The following COQ5 variants were observed in gnomAD, a reference collection of about 807,000 sequenced individuals.
The protein encoded by COQ5 is coenzyme Q5, methyltransferase, also known as 2-methoxy-6-polyprenyl-1,4-benzoquinol methylase, mitochondrial.
In COQ5, 27 loss-of-function variants were observed where a neutral mutation model predicts 40.5. The ratio of observed to expected loss-of-function variants is 0.67; its 90% CI spans 0.49 to 0.92. The LOEUF (loss-of-function observed/expected upper bound fraction) is 0.92. COQ5 is among the 40% of genes least tolerant of loss of function. The pLI, the probability that COQ5 is intolerant of heterozygous loss-of-function variation, is 0.00. For synonymous variants in COQ5, 141 were observed against 150.0 expected (o/e 0.94, Z 0.44); for missense variants, 409 against 406.4 (o/e 1.01, Z -0.06).
Position 120,529,053 on chromosome 12 carries a change from C to T in COQ5, c.89G>A (p.Arg30His). 2.5e-6 allele frequency: 4 copies of T among 1,614,170 alleles called. No individual in the cohort carries two copies. The highest frequency in any genetic ancestry group is 3.4e-6 in the Non-Finnish European group (4 of 1,180,026). The change falls in exon 1 of 7, where the codon CGT (arginine) becomes CAT (histidine). Residue 30 changes from arginine to histidine, a missense_variant. Coordinates refer to ENST00000288532, the MANE Select transcript of COQ5 (RefSeq NM_032314.4). ...TAGTAGGTCCCCGGGCCAAGAGCTA[C>T]GAAGCCCGAGGAGCTGGCAGCCCCG... ...AMRGCQLLGL[R>H]SSWPGDLLSA...
At chr12:120,523,777 A>AG (rs1869787818) in intron 1 of COQ5, 1 of 240,880 alleles carries the variant, frequency 4.2e-6, no homozygotes, top group East Asian at 1.6e-4. Context: ...TGGGAGTCCA[A>AG]GGGGGGTGGT....
At chr12:120,505,018 C>T (rs1868816680) in intron 4 of COQ5, 35 bp from the exon 5 acceptor site, 1 of 1,540,198 alleles carries the variant, frequency 6.5e-7, no homozygotes, top group Admixed American at 1.7e-5. Flanking sequence ...ACACACTCCT[C>T]AGTAGACCTC....
At chr12:120,514,170 C>T (rs1193698502) in intron 3 of COQ5, among the ~76,000 whole-genome samples, 2 of 152,096 alleles carry the variant, frequency 1.3e-5, no homozygotes, top group Admixed American at 1.3e-4. Context: ...AAAACACTAG[C>T]GACTGTCCGC....
intron 2 of COQ5, among the ~76,000 whole-genome samples, chr12:120,521,760 G>A (rs1869671641): frequency 6.6e-6 from 1 of 151,892 alleles, no homozygotes; most frequent in Non-Finnish European, 1.5e-5. Context: ...ACTTTGGGAG[G>A]CCGAGGCAGG....
chr12:120,503,357 C>T lies in COQ5; in HGVS notation c.*427G>A, dbSNP rs775614054. On this transcript the variant is annotated 3_prime_UTR_variant, in exon 7 of 7. Coordinates refer to ENST00000288532, the MANE Select transcript of COQ5 (RefSeq NM_032314.4). ...ACTCTGACTTGGGCCTAGACTTCGT[C>T]CTAGGCTGAAAGGTTGATTCAGGTA... The T allele has an allele frequency of 2.8e-6, 1 of 360,614 alleles. No homozygotes were observed. Among genetic ancestry groups the T allele is most frequent in the Non-Finnish European group, 5.4e-6 (1 of 184,084 alleles). The allele number at this position is 360,614 out of a possible 1,614,324, so 22.3% of individuals were successfully genotyped here.
rs370098050 is a variant in COQ5 at position 120,517,392 on chromosome 12, C to T, written c.353-604G>A. 1.8e-4 allele frequency among the ~76,000 whole-genome samples: 27 copies of T among 150,088 alleles called. No homozygotes were observed. In the East Asian group the frequency reaches 4.3e-3, roughly 24 times the overall value. ...AAATAAATAAAATAAAAACTGAGGC[C>T]GGGCGCGGTGGCTCATGCCTGTAAT... On this transcript the variant is annotated intron_variant, in intron 2 of 6. Coordinates refer to ENST00000288532, the MANE Select transcript of COQ5 (RefSeq NM_032314.4).
At chr12:120,522,419 T>C in intron 1 of COQ5, 56 bp from the exon 2 acceptor site, 2 of 1,579,264 alleles carry the variant, frequency 1.3e-6, no homozygotes, top group Admixed American at 3.4e-5. Flanking sequence ...CTTAGAAAAA[T>C]CCTAAACAAA....
intron 3 of COQ5, among the ~76,000 whole-genome samples, chr12:120,515,084 C>T (rs1869323189): frequency 6.6e-6 from 1 of 151,910 alleles, no homozygotes; most frequent in East Asian, 1.9e-4. Flanking sequence ...TGAGCCACCA[C>T]GCCTGGCCAA....
At chr12:120,508,426 C>T (rs1294773181) in intron 4 of COQ5, among the ~76,000 whole-genome samples, 1 of 152,050 alleles carries the variant, frequency 6.6e-6, no homozygotes, top group Admixed American at 6.6e-5. Context: ...ATAGTATATA[C>T]ACCTTGGCAC....
intron 3 of COQ5, among the ~76,000 whole-genome samples, chr12:120,513,467 A>T (rs1295507030): frequency 1.4e-5 from 2 of 147,870 alleles, no homozygotes; most frequent in African/African-American, 5.0e-5. Context: ...GCGCCACTGC[A>T]CTCCAGCCTG....
chr12:120,510,051 G>A lies in COQ5; in HGVS notation c.647C>T (p.Ala216Val), dbSNP rs1837695296. 1 of 1,614,034 alleles carries A rather than the reference G, an allele frequency of 6.2e-7. No individual in the cohort carries two copies. The highest frequency in any genetic ancestry group is 8.5e-7 in the Non-Finnish European group (1 of 1,179,956). Residue 216 changes from alanine (A) to valine (V), a missense_variant, in exon 4 of 7, where the codon GCC (alanine) becomes GTC (valine). Ala to Val is a moderately conservative substitution (Grantham distance 64, BLOSUM62 0). Coordinates refer to ENST00000288532, the MANE Select transcript of COQ5 (RefSeq NM_032314.4). ...DDDKFDIYTI[A>V]FGIRNVTHID... ...GTGTGTGACATTCCGGATCCCAAAGGCAATGGTGTAAATATCAAACTTGTC... is the reference window on the plus strand; with the variant it reads ...GTGTGTGACATTCCGGATCCCAAAGACAATGGTGTAAATATCAAACTTGTC...
At chr12:120,511,084 C>T (rs1254702314) in intron 3 of COQ5, among the ~76,000 whole-genome samples, 1 of 151,714 alleles carries the variant, frequency 6.6e-6, no homozygotes, top group Non-Finnish European at 1.5e-5. Flanking sequence ...GGTGAAACCC[C>T]GTCTCTACTA....
At chr12:120,523,587 T>C (rs1869781435) in intron 1 of COQ5, 1 of 184,442 alleles carries the variant, frequency 5.4e-6, no homozygotes, top group Admixed American at 6.2e-5. Flanking sequence ...TATTATTACT[T>C]AGGACTACTA....
At chr12:120,504,847 GA>G in intron 5 of COQ5, 47 bp downstream of exon 5, 4 of 1,513,720 alleles carry the variant, frequency 2.6e-6, no homozygotes, top group Admixed American at 1.7e-5. Context: ...TTCGGGGTGG[GA>G]AACCTTGGCT....
chr12:120,511,761 G>A (rs1289455705), intron 3 of COQ5, among the ~76,000 whole-genome samples: 2 of 152,084 alleles, frequency 1.3e-5, no homozygotes, highest in Non-Finnish European at 2.9e-5. Context: ...ACTTGACTAA[G>A]GTTATACAGT....
At chr12:120,511,367 C>G (rs1252005076) in intron 3 of COQ5, among the ~76,000 whole-genome samples, 1 of 152,016 alleles carries the variant, frequency 6.6e-6, no homozygotes, top group South Asian at 2.1e-4. Flanking sequence ...TATCAAGTGG[C>G]AGGGTCTGTG....
chr12:120,518,205 T>C (rs999555263), intron 2 of COQ5, among the ~76,000 whole-genome samples: 1 of 152,092 alleles, frequency 6.6e-6, no homozygotes, highest in African/African-American at 2.4e-5. Context: ...GTAGGCAGAT[T>C]GCTTGAGCCC....
chr12:120,527,988 CAAAAAAAAAAAAAAAAAAAAA>C (rs55830211), intron 1 of COQ5, among the ~76,000 whole-genome samples: 5 of 23,036 alleles, frequency 2.2e-4, no homozygotes, highest in East Asian at 1.9e-3. Flanking sequence ...GACTCAGTCT[CAAAAAAAAAAAAAAAAAAAAA>C]AAAAAAAAAA....
intron 1 of COQ5, 114 bp downstream of exon 1, chr12:120,528,826 C>T: frequency 1.0e-6 from 1 of 987,868 alleles, no homozygotes; most frequent in Non-Finnish European, 1.6e-6. Context: ...AAAATCATAA[C>T]TGCACAGACA....
Sources: allele counts gnomAD v4.1 joint callset (sites outside exome capture counted in the v4.1 genomes callset), GRCh38; gene constraint gnomAD v4.1.1; transcripts MANE v1.5; gene names NCBI Gene and HGNC (gene_info 2026-07-23, HGNC 2026-07-21).